Variants in CFAP58 observed in about 807,000 individuals in gnomAD.
The protein encoded by CFAP58 is cilia- and flagella-associated protein 58.
CFAP58 carries 88 observed loss-of-function variants against 119.5 expected under a neutral mutation model. The ratio of observed to expected loss-of-function variants is 0.74; its 90% confidence interval spans 0.62 to 0.88. The LOEUF is 0.88. Ranked by LOEUF, CFAP58 falls within the 40% of genes least tolerant of loss-of-function variation. The probability of loss-of-function intolerance (pLI) is 0.00; values close to 1 mark genes in which losing one functional copy is unlikely to be tolerated. For synonymous variants in CFAP58, 365 were observed against 366.3 expected, an observed-to-expected ratio of 1.00 and a Z score of 0.04; for missense variants, 990 against 1,021.2, an observed-to-expected ratio of 0.97 and a Z score of 0.42.
chr10:104,339,590 C>A, the CFAP58 span, among the ~76,000 whole-genome samples: 1 of 152,134 alleles, frequency 6.6e-6, no homozygotes, highest in Non-Finnish European at 1.5e-5. Context: ...GGTCTTAGAT[C>A]ACCTTTTTTT....
chr10:104,379,929 C>A, intron 8 of CFAP58, 100 bp from the exon 9 acceptor site: 1 of 980,774 alleles, frequency 1.0e-6, no homozygotes, highest in Non-Finnish European at 1.5e-6. Flanking sequence ...ATCCAAAAGA[C>A]AAGATATCTA....
chr10:104,387,362 A>G (rs1021077246), intron 9 of CFAP58, among the ~76,000 whole-genome samples: 1 of 151,994 alleles, frequency 6.6e-6, no homozygotes, highest in Non-Finnish European at 1.5e-5. Context: ...CTCATGGGGG[A>G]AGGAAGGAGA....
intron 2 of CFAP58, among the ~76,000 whole-genome samples, chr10:104,359,251 A>T (rs1397508360): frequency 6.6e-6 from 1 of 152,258 alleles, no homozygotes; most frequent in African/African-American, 2.4e-5. Context: ...TTGAAACATA[A>T]TTAAAACCCT....
Position 104,362,103 on chromosome 10 carries a change from A to G in CFAP58, c.372A>G (p.Lys124=), listed in dbSNP as rs771999463. ...CCAAGGAGACGATTCTTGCTCTGAAAGAGGAAATAGTGAACCTGACCAAAC... is the reference window on the plus strand; with the variant it reads ...CCAAGGAGACGATTCTTGCTCTGAAGGAGGAAATAGTGAACCTGACCAAAC... ...QKAKETILAL[K]EEIVNLTKLV... Residue 124 remains lysine, a synonymous_variant, in exon 3 of 18, where the codon AAA becomes AAG. Transcript: ENST00000369704. 1 of 1,614,156 alleles carries G rather than the reference A, an allele frequency of 6.2e-7. No homozygotes were observed. Among genetic ancestry groups the G allele is most frequent in the Non-Finnish European group, 8.5e-7 (1 of 1,180,010 alleles).
At chr10:104,368,600 T>G in intron 6 of CFAP58, 40 bp downstream of exon 6, 1 of 1,609,514 alleles carries the variant, frequency 6.2e-7, no homozygotes, top group Non-Finnish European at 8.5e-7. Context: ...AGCTCTTTCT[T>G]CCTAACACAG....
At chr10:104,361,910 C>T in intron 2 of CFAP58, 113 bp from the exon 3 acceptor site, 1 of 986,262 alleles carries the variant, frequency 1.0e-6, no homozygotes, top group East Asian at 2.5e-5. Flanking sequence ...ACAATTTAGT[C>T]AATGCACATT....
chr10:104,379,933 A>T (rs541716177), intron 8 of CFAP58, 96 bp from the exon 9 acceptor site: 7 of 988,864 alleles, frequency 7.1e-6, no homozygotes, highest in Admixed American at 4.6e-5. Context: ...AAAAGACAAG[A>T]TATCTAATTA....
chr10:104,378,210 C>T (rs960841990), intron 8 of CFAP58, among the ~76,000 whole-genome samples: 1 of 152,190 alleles, frequency 6.6e-6, no homozygotes, highest in Non-Finnish European at 1.5e-5. Flanking sequence ...GTTATTTCCC[C>T]ATTGACTCAG....
chr10:104,421,984 G>C (rs1233194493), intron 15 of CFAP58, among the ~76,000 whole-genome samples: 1 of 152,132 alleles, frequency 6.6e-6, no homozygotes, highest in East Asian at 1.9e-4. Context: ...TCAGGAGTTT[G>C]AGACCAGCCT....
chr10:104,387,963 A>G (rs772762382), intron 9 of CFAP58, among the ~76,000 whole-genome samples: 1 of 152,238 alleles, frequency 6.6e-6, no homozygotes, highest in Admixed American at 6.5e-5. Flanking sequence ...ATGAATAATA[A>G]TGTGCTTTCA....
intron 1 of CFAP58, among the ~76,000 whole-genome samples, chr10:104,357,850 CATATAT>C (rs771499361): frequency 0.035 from 1,587 of 45,676 alleles, 66 homozygotes; most frequent in Middle Eastern, 0.093. Context: ...CATATGTACA[CATATAT>C]ACACATATAT....
At chr10:104,346,633 C>CTTTTTGTT in the CFAP58 span, among the ~76,000 whole-genome samples, 1 of 101,112 alleles carries the variant, frequency 9.9e-6, no homozygotes, top group Non-Finnish European at 1.9e-5. Flanking sequence ...GCCATTTAGT[C>CTTTTTGTT]TTTTTTTTTT....
chr10:104,357,966 T>TAC (rs1404656910), intron 1 of CFAP58, among the ~76,000 whole-genome samples: 1 of 103,190 alleles, frequency 9.7e-6, no homozygotes, highest in African/African-American at 6.9e-5. Context: ...CACATATATG[T>TAC]ACACATATGT....
At chr10:104,392,639 CTTTTTTT>C (rs35863751) in intron 10 of CFAP58, among the ~76,000 whole-genome samples, 1 of 123,964 alleles carries the variant, frequency 8.1e-6, no homozygotes, top group African/African-American at 3.0e-5. Flanking sequence ...CGTCTTTCTA[CTTTTTTT>C]TTTTTTTTTT....
chr10:104,454,349 C>A, intron 17 of CFAP58, 73 bp from the exon 18 acceptor site: 1 of 1,198,896 alleles, frequency 8.3e-7, no homozygotes, highest in Non-Finnish European at 1.2e-6. Flanking sequence ...GCTAACACAC[C>A]CTAGGATTAT....
chr10:104,423,345 A>T (rs1243059189), intron 15 of CFAP58, among the ~76,000 whole-genome samples: 2 of 152,220 alleles, frequency 1.3e-5, no homozygotes, highest in Non-Finnish European at 2.9e-5. Flanking sequence ...TTAGTCTTTT[A>T]AAAATGTAAC....
rs1564885534 is a variant in CFAP58 at position 104,380,074 on chromosome 10, G to A, written c.1219G>A (p.Val407Ile). 4 of 1,614,084 alleles carry A rather than the reference G, an allele frequency of 2.5e-6. No individual in the cohort carries two copies. Among genetic ancestry groups the A allele is most frequent in the Non-Finnish European group, 2.5e-6 (3 of 1,179,988 alleles). Residue 407 changes from valine (V) to isoleucine (I), a missense_variant, in exon 9 of 18, where the codon GTA (valine) becomes ATA (isoleucine). Coordinates refer to ENST00000369704, the MANE Select transcript of CFAP58 (RefSeq NM_001008723.2). ...TGCGACCCAGAAGCAGACAGACTTGGTAAAGCTCCATGAACAAGCCAAGAG... is the reference window on the plus strand; with the variant it reads ...TGCGACCCAGAAGCAGACAGACTTGATAAAGCTCCATGAACAAGCCAAGAG... ...VNATQKQTDLVKLHEQAKRNL... is the reference protein window; with the variant it reads ...VNATQKQTDLIKLHEQAKRNL...
At chr10:104,437,408 C>T (rs1414357351) in intron 15 of CFAP58, among the ~76,000 whole-genome samples, 6 of 152,226 alleles carry the variant, frequency 3.9e-5, no homozygotes, top group Non-Finnish European at 8.8e-5. Context: ...CTTACTCAGA[C>T]ATCCCTCCAG....
chr10:104,446,799 C>T (rs527338808), intron 15 of CFAP58, among the ~76,000 whole-genome samples: 18 of 152,134 alleles, frequency 1.2e-4, no homozygotes, highest in South Asian at 1.0e-3. Flanking sequence ...GTTCAAGGGT[C>T]GGAAAACACT....
Sources: allele counts gnomAD v4.1 joint callset (sites outside exome capture counted in the v4.1 genomes callset), GRCh38; gene constraint gnomAD v4.1.1; transcripts MANE v1.5; gene names NCBI Gene and HGNC (gene_info 2026-07-23, HGNC 2026-07-21).